The following ZFHX3 variants were observed in gnomAD, a reference collection of about 807,000 sequenced individuals.
ZFHX3 encodes the protein zinc finger homeobox protein 3.
In ZFHX3, 42 loss-of-function variants were observed where a neutral mutation model predicts 279.1. That is an observed-to-expected ratio of 0.15 (90% CI 0.12 to 0.19). ZFHX3 has a LOEUF of 0.19. Ranked by LOEUF, ZFHX3 falls within the 10% of genes least tolerant of loss-of-function variation. The pLI is 1.00. For missense variants in ZFHX3, 4,981 were observed against 4,754.0 expected (o/e 1.05, Z -1.40); for synonymous variants, 2,293 against 1,957.8 (o/e 1.17, Z -4.52).
chr16:73,342,260 C>T (rs533427359), intron 3 of ZFHX3, among the ~76,000 whole-genome samples: 2 of 152,234 alleles, frequency 1.3e-5, no homozygotes, highest in East Asian at 3.9e-4. Context: ...TTTGCAAAAG[C>T]TAACAAAACT....
intron 1 of ZFHX3, among the ~76,000 whole-genome samples, chr16:73,760,157 C>G (rs889933272): frequency 6.6e-6 from 1 of 152,200 alleles, no homozygotes; most frequent in African/African-American, 2.4e-5. Flanking sequence ...ATACTATAAA[C>G]ACCTCTATGG....
At chr16:73,383,422 G>A (rs572909594) in intron 3 of ZFHX3, among the ~76,000 whole-genome samples, 7 of 152,252 alleles carry the variant, frequency 4.6e-5, no homozygotes, top group African/African-American at 1.7e-4. Context: ...CAGAGCCTCC[G>A]CTTTTTCAAA....
chr16:72,938,642 G>A (rs904388739), intron 3 of ZFHX3, among the ~76,000 whole-genome samples: 21 of 152,170 alleles, frequency 1.4e-4, no homozygotes, highest in Non-Finnish European at 1.3e-4. Flanking sequence ...AAATCGGCAC[G>A]CCCCCAAGGC....
intron 5 of ZFHX3, among the ~76,000 whole-genome samples, chr16:73,177,505 G>A (rs1567410801): frequency 6.6e-6 from 1 of 152,204 alleles, no homozygotes; most frequent in East Asian, 1.9e-4. Flanking sequence ...AGCATTGTGA[G>A]CCGCAAGAAC....
chr16:73,677,336 T>C (rs73608456), intron 2 of ZFHX3, among the ~76,000 whole-genome samples: 2,163 of 151,948 alleles, frequency 0.014, 55 homozygotes, highest in African/African-American at 0.049. Flanking sequence ...TATTAAACAA[T>C]GGATAAAGTA....
chr16:72,938,641 C>T (rs1041634587), intron 3 of ZFHX3, among the ~76,000 whole-genome samples: 4 of 152,176 alleles, frequency 2.6e-5, no homozygotes, highest in South Asian at 4.1e-4. Flanking sequence ...CAAATCGGCA[C>T]GCCCCCAAGG....
intron 1 of ZFHX3, among the ~76,000 whole-genome samples, chr16:73,795,826 T>C (rs1959972426): frequency 1.3e-5 from 2 of 152,256 alleles, no homozygotes. Context: ...AAATTCTGCC[T>C]GGACACAGGA....
intron 5 of ZFHX3, among the ~76,000 whole-genome samples, chr16:72,815,787 A>G (rs1252913230): frequency 6.6e-6 from 1 of 152,276 alleles, no homozygotes; most frequent in African/African-American, 2.4e-5. Flanking sequence ...GACATAGTTT[A>G]GACAATTGGT....
At chr16:73,770,884 A>G (rs2054010446) in intron 1 of ZFHX3, among the ~76,000 whole-genome samples, 1 of 152,204 alleles carries the variant, frequency 6.6e-6, no homozygotes, top group Non-Finnish European at 1.5e-5. Flanking sequence ...AGCACAATAA[A>G]TACCATTATG....
At chr16:73,486,652 T>A in intron 2 of ZFHX3, 1 of 375,912 alleles carries the variant, frequency 2.7e-6, no homozygotes, top group Non-Finnish European at 5.3e-6. Flanking sequence ...AACTGGATAG[T>A]GCTGGGATTA....
intron 2 of ZFHX3, among the ~76,000 whole-genome samples, chr16:73,661,390 G>T (rs947990330): frequency 6.6e-6 from 1 of 152,132 alleles, no homozygotes; most frequent in Admixed American, 6.6e-5. Flanking sequence ...TTCAACAGTT[G>T]GATACATCAT....
At chr16:73,022,599 G>T (rs117648185) in intron 1 of ZFHX3, among the ~76,000 whole-genome samples, 384 of 152,194 alleles carry the variant, frequency 2.5e-3, no homozygotes, top group Non-Finnish European at 3.8e-3. Context: ...CCAAATCTTG[G>T]GGGGAGGAAG....
intron 6 of ZFHX3, chr16:73,131,188 C>T (rs111628042): frequency 4.6e-4 from 178 of 387,892 alleles, no homozygotes; most frequent in African/African-American, 2.7e-3. Context: ...CACAAGTCAA[C>T]GCACAGCATT....
At chr16:73,169,927 T>C (rs750406565) in intron 5 of ZFHX3, among the ~76,000 whole-genome samples, 2 of 152,212 alleles carry the variant, frequency 1.3e-5, no homozygotes, top group Non-Finnish European at 2.9e-5. Flanking sequence ...CTCTGTACTC[T>C]TCCTTTGCTG....
chr16:73,251,606 T>C (rs1292699827), intron 5 of ZFHX3, among the ~76,000 whole-genome samples: 3 of 152,098 alleles, frequency 2.0e-5, no homozygotes, highest in Admixed American at 2.0e-4. Flanking sequence ...TCATTCTTTC[T>C]GGAAGGCTGG....
chr16:73,606,150 C>T (rs1170179452), intron 2 of ZFHX3, among the ~76,000 whole-genome samples: 2 of 135,402 alleles, frequency 1.5e-5, no homozygotes, highest in Non-Finnish European at 3.0e-5. Context: ...CCACTGCACT[C>T]CAGCCTGGGG....
At chr16:73,076,262 G>A (rs1965885743) in intron 8 of ZFHX3, among the ~76,000 whole-genome samples, 1 of 152,178 alleles carries the variant, frequency 6.6e-6, no homozygotes, top group Admixed American at 6.5e-5. Context: ...GATTGTAAAA[G>A]TATTGCATGA....
intron 1 of ZFHX3, among the ~76,000 whole-genome samples, chr16:73,032,424 G>A (rs1964738731): frequency 6.6e-6 from 1 of 152,084 alleles, no homozygotes; most frequent in African/African-American, 2.4e-5. Flanking sequence ...AGAAGATTCA[G>A]AAAGAACAAA....
chr16:73,346,224 T>A (rs574488474), intron 3 of ZFHX3, among the ~76,000 whole-genome samples: 1 of 152,170 alleles, frequency 6.6e-6, no homozygotes, highest in South Asian at 2.1e-4. Context: ...TGCCTGCCTT[T>A]TGGAACTTTT....
Sources: allele counts gnomAD v4.1 joint callset (sites outside exome capture counted in the v4.1 genomes callset), GRCh38; gene constraint gnomAD v4.1.1; transcripts MANE v1.5; gene names NCBI Gene and HGNC (gene_info 2026-07-23, HGNC 2026-07-21).